The following GREM2 variants were observed in gnomAD, a reference collection of about 807,000 sequenced individuals.
GREM2 encodes the protein gremlin 2, DAN family BMP antagonist, also known as gremlin-2.
A neutral mutation model predicts 14.2 loss-of-function variants in GREM2; 11 were observed. That is an observed-to-expected ratio of 0.78 (90% CI 0.49 to 1.28). The LOEUF (loss-of-function observed/expected upper bound fraction) is 1.28. Among genes scored for constraint, GREM2 ranks in the 50% most tolerant of loss-of-function variants. GREM2 has a pLI of 0.00. For synonymous variants in GREM2, 98 were observed against 97.6 expected, an observed-to-expected ratio of 1.00 and a Z score of -0.02; for missense variants, 210 against 218.5, an observed-to-expected ratio of 0.96 and a Z score of 0.24.
rs1044991285 is a variant in GREM2, at chr1:240,540,512, A to G, written c.-1-47036T>C. ...GTGTTCTAGTAAGACTGGAATCACT[A>G]CCATTAACAGCAAAGAACACAAACA... On this transcript the variant is annotated intron_variant, in intron 1 of 1. Transcript: ENST00000318160. The surrounding 1 kb of genome is among the most constrained non-coding windows in gnomAD (Gnocchi z 4.2). Among the ~76,000 whole-genome samples, 2 of 152,092 alleles carry G rather than the reference A, an allele frequency of 1.3e-5. No homozygotes were observed. The highest frequency in any genetic ancestry group is 4.8e-5 in the African/African-American group (2 of 41,404).
chr1:240,564,060 T>C (rs1378208966), intron 1 of GREM2, among the ~76,000 whole-genome samples: 1 of 151,840 alleles, frequency 6.6e-6, no homozygotes, highest in African/African-American at 2.4e-5. Flanking sequence ...AAATTAAAAA[T>C]TGGCTGGGTA....
At chr1:240,578,453 C>T (rs1020479566) in intron 1 of GREM2, among the ~76,000 whole-genome samples, 3 of 151,962 alleles carry the variant, frequency 2.0e-5, no homozygotes, top group African/African-American at 7.2e-5. Context: ...ACTACACAAC[C>T]TTTGGCAAGG....
chr1:240,508,852 C>T (rs753893931), intron 1 of GREM2, among the ~76,000 whole-genome samples: 1 of 152,150 alleles, frequency 6.6e-6, no homozygotes, highest in African/African-American at 2.4e-5. Context: ...TGAGCTGGAA[C>T]CTGAGAATTG....
chr1:240,526,628 ACT>A (rs1462490091), intron 1 of GREM2, among the ~76,000 whole-genome samples: 1 of 151,918 alleles, frequency 6.6e-6, no homozygotes, highest in Non-Finnish European at 1.5e-5. Context: ...TCTCCCAGGC[ACT>A]CTCTGACCCC....
chr1:240,493,633 C>G (rs1677325556), intron 1 of GREM2, among the ~76,000 whole-genome samples, 157 bp from the exon 2 acceptor site: 1 of 152,120 alleles, frequency 6.6e-6, no homozygotes, highest in Non-Finnish European at 1.5e-5. Context: ...CTCTGGGATC[C>G]TCCTGCCTCA....
intron 1 of GREM2, among the ~76,000 whole-genome samples, chr1:240,569,058 A>G (rs1265385454): frequency 6.6e-6 from 1 of 152,212 alleles, no homozygotes; most frequent in African/African-American, 2.4e-5. Flanking sequence ...CTTGAATTAA[A>G]AAAACAAAAA....
intron 1 of GREM2, among the ~76,000 whole-genome samples, chr1:240,567,073 T>C (rs972476284): frequency 1.3e-5 from 2 of 152,140 alleles, no homozygotes; most frequent in Non-Finnish European, 2.9e-5. Context: ...ATACGCTGGA[T>C]AGGATTAATA....
chr1:240,510,785 T>G (rs1677807603), intron 1 of GREM2, among the ~76,000 whole-genome samples: 1 of 152,218 alleles, frequency 6.6e-6, no homozygotes. Flanking sequence ...AATACGTAAG[T>G]GAAGGTTTTG....
intron 1 of GREM2, among the ~76,000 whole-genome samples, chr1:240,533,552 A>C (rs1175242632): frequency 7.5e-6 from 1 of 132,936 alleles, no homozygotes; most frequent in African/African-American, 2.7e-5. Flanking sequence ...CATCAGAAGC[A>C]CTGAGGAGGC....
intron 1 of GREM2, among the ~76,000 whole-genome samples, chr1:240,582,371 G>T (rs541724090): frequency 1.3e-5 from 2 of 152,326 alleles, no homozygotes; most frequent in Non-Finnish European, 2.9e-5. Context: ...GGAGGTGGAG[G>T]TTGCAGTGAG....
At chr1:240,502,115 C>T (rs1677582261) in intron 1 of GREM2, among the ~76,000 whole-genome samples, 1 of 152,134 alleles carries the variant, frequency 6.6e-6, no homozygotes, top group Non-Finnish European at 1.5e-5. Context: ...TAGCAGACGT[C>T]CACTTCCCTC....
chr1:240,494,337 G>A (rs1272436899), intron 1 of GREM2, among the ~76,000 whole-genome samples: 1 of 152,186 alleles, frequency 6.6e-6, no homozygotes, highest in Non-Finnish European at 1.5e-5. Context: ...AATGGCCCAG[G>A]ATTTGAAGCC....
At chr1:240,555,979 T>G (rs189723018) in intron 1 of GREM2, among the ~76,000 whole-genome samples, 1 of 152,304 alleles carries the variant, frequency 6.6e-6, no homozygotes, top group Non-Finnish European at 1.5e-5. Context: ...AAAATTAGCT[T>G]TCCAACACCT....
chr1:240,604,047 TCA>T (rs1172947733), intron 1 of GREM2, among the ~76,000 whole-genome samples: 5 of 151,286 alleles, frequency 3.3e-5, no homozygotes, highest in Non-Finnish European at 5.9e-5. Context: ...GGCAGGGGTG[TCA>T]CACAGTAAGA....
At chr1:240,523,471 C>T (rs1047099960) in intron 1 of GREM2, among the ~76,000 whole-genome samples, 4 of 152,152 alleles carry the variant, frequency 2.6e-5, no homozygotes, top group Non-Finnish European at 5.9e-5. Flanking sequence ...CCAGACATCC[C>T]CAAATGTCCT....
intron 1 of GREM2, among the ~76,000 whole-genome samples, chr1:240,518,171 A>G (rs555322009): frequency 6.6e-6 from 1 of 152,284 alleles, no homozygotes; most frequent in East Asian, 1.9e-4. Context: ...AAAATTTCAT[A>G]ATTCCTGCCA....
intron 1 of GREM2, among the ~76,000 whole-genome samples, chr1:240,589,910 A>G (rs1679673342): frequency 6.6e-6 from 1 of 152,150 alleles, no homozygotes; most frequent in South Asian, 2.1e-4. Context: ...TAGAATTTCA[A>G]CAGGCGGATG....
chr1:240,549,152 A>G (rs951782978), intron 1 of GREM2, among the ~76,000 whole-genome samples: 69 of 152,278 alleles, frequency 4.5e-4, no homozygotes, highest in African/African-American at 1.5e-3. Context: ...CCCGGCCAAC[A>G]TGGAGAAACC....
intron 1 of GREM2, among the ~76,000 whole-genome samples, chr1:240,516,123 C>T (rs1677950531): frequency 8.4e-6 from 1 of 118,722 alleles, no homozygotes; most frequent in East Asian, 2.6e-4. Context: ...CTCTCCAACC[C>T]TGACTTTTTT....
Sources: gnomAD v4.1 joint callset for allele counts (sites outside exome capture counted in the v4.1 genomes callset) on GRCh38, gnomAD v4.1.1 for gene constraint, Gnocchi (gnomAD v3.1) non-coding constraint, MANE v1.5 for transcripts, NCBI Gene and HGNC (gene_info 2026-07-23, HGNC 2026-07-21) for gene names.